The following IL1RAPL1 variants were observed in gnomAD, a reference collection of about 807,000 sequenced individuals.
IL1RAPL1 encodes interleukin-1 receptor accessory protein-like 1.
Under a neutral mutation model 48.4 loss-of-function variants are expected in IL1RAPL1, and 3 were observed. The observed-to-expected ratio is 0.06, with a 90% CI of 0.03 to 0.16. The LOEUF (loss-of-function observed/expected upper bound fraction) is 0.16, where lower values mean the gene tolerates loss of function less well. Ranked by LOEUF, IL1RAPL1 falls within the 10% of genes least tolerant of loss-of-function variation. IL1RAPL1 has a pLI of 1.00. For missense variants in IL1RAPL1, 349 were observed against 530.6 expected (o/e 0.66, Z 3.36); for synonymous variants, 185 against 187.7 (o/e 0.99, Z 0.12).
At chrX:29,471,877 C>A (rs1934926116) in intron 5 of IL1RAPL1, among the ~76,000 whole-genome samples, 2 of 111,563 alleles carry the variant, frequency 1.8e-5, no homozygotes, top group African/African-American at 6.5e-5. Context: ...TGTCTCAGTA[C>A]TTTATTACCT....
intron 2 of IL1RAPL1, among the ~76,000 whole-genome samples, chrX:28,807,744 T>G (rs1483329821): frequency 1.8e-5 from 2 of 111,479 alleles, no homozygotes; most frequent in Non-Finnish European, 3.8e-5. Context: ...TGTTCTCCTA[T>G]TCATCCTACA....
chrX:29,807,141 CA>C (rs1428494192), intron 6 of IL1RAPL1, among the ~76,000 whole-genome samples: 2 of 109,937 alleles, frequency 1.8e-5, no homozygotes, highest in Non-Finnish European at 3.8e-5. Flanking sequence ...TAAATATATA[CA>C]AAATCATTCA....
At chrX:28,625,769 T>TGTGTGTGTGTGTGTGTG (rs1569140767) in intron 1 of IL1RAPL1, among the ~76,000 whole-genome samples, 9 of 110,385 alleles carry the variant, frequency 8.2e-5, no homozygotes, top group African/African-American at 2.3e-4. Context: ...TGTGTGTGTG[T>TGTGTGTGTGTGTGTGTG]TTTACCAAGA....
At chrX:29,226,278 A>T (rs1345021383) in intron 2 of IL1RAPL1, among the ~76,000 whole-genome samples, 1 of 111,193 alleles carries the variant, frequency 9.0e-6, no homozygotes, top group Non-Finnish European at 1.9e-5. Flanking sequence ...TGATGAGATG[A>T]AATTTGGAAT....
intron 4 of IL1RAPL1, among the ~76,000 whole-genome samples, chrX:29,396,660 G>T (rs1196758174): frequency 8.9e-6 from 1 of 111,980 alleles, no homozygotes; most frequent in Non-Finnish European, 1.9e-5. Context: ...GTAATAAGCT[G>T]TTGTGTTTAT....
At chrX:29,396,890 T>C (rs1452493334) in intron 4 of IL1RAPL1, among the ~76,000 whole-genome samples, 1 of 112,177 alleles carries the variant, frequency 8.9e-6, no homozygotes, top group African/African-American at 3.2e-5. Flanking sequence ...ATTTTGTCCA[T>C]ATTCTAATCT....
chrX:29,274,702 C>T (rs769314718), intron 2 of IL1RAPL1, among the ~76,000 whole-genome samples: 1 of 112,043 alleles, frequency 8.9e-6, no homozygotes, highest in African/African-American at 3.2e-5. Context: ...GCTGTATAAA[C>T]ACCTGTAATG....
chrX:28,838,005 G>C (rs1921269702), intron 2 of IL1RAPL1, among the ~76,000 whole-genome samples: 1 of 110,755 alleles, frequency 9.0e-6, no homozygotes, highest in Non-Finnish European at 1.9e-5. Flanking sequence ...ATCACTAAGT[G>C]TAGATTATGT....
intron 2 of IL1RAPL1, among the ~76,000 whole-genome samples, chrX:29,031,381 T>C (rs1926615392): frequency 8.9e-6 from 1 of 111,778 alleles, no homozygotes; most frequent in Admixed American, 9.5e-5. Context: ...CTTTAGGAGA[T>C]TGATTTCTTT....
At position 29,876,892 on chromosome X, in the gene IL1RAPL1, G is replaced by A. The variant is rs747247220; in HGVS notation, c.779-40572G>A. ...AGATTACCACAGTAAATAATTGCAC[G>A]CCCATCTCTTTTGCAAAGCACAAAG... On this transcript the variant is annotated intron_variant, in intron 6 of 10. Transcript: ENST00000378993. 5.4e-5 allele frequency among the ~76,000 whole-genome samples: 6 copies of A among 111,725 alleles called. No individual in the cohort carries two copies. In the South Asian group the frequency reaches 1.9e-3, roughly 35 times the overall value.
intron 6 of IL1RAPL1, among the ~76,000 whole-genome samples, chrX:29,889,340 G>C (rs1319281989): frequency 1.8e-5 from 2 of 111,362 alleles, no homozygotes; most frequent in Non-Finnish European, 3.8e-5. Context: ...AATTTATCTT[G>C]CATATTTCCA....
intron 2 of IL1RAPL1, among the ~76,000 whole-genome samples, chrX:29,162,224 G>A (rs1929699747): frequency 9.0e-6 from 1 of 110,827 alleles, no homozygotes; most frequent in South Asian, 3.8e-4. Flanking sequence ...GGAGACAAGG[G>A]GAGGGAGAGC....
Position 29,624,329 on chromosome X carries a change from G to A in IL1RAPL1, c.704-44101G>A, listed in dbSNP as rs6630923. Among the ~76,000 whole-genome samples the A allele has an allele frequency of 2.1e-3, 232 of 111,780 alleles. 4 individuals are homozygous for A. In the East Asian group the frequency reaches 0.06, roughly 29 times the overall value. ...TTTCTTTCCTTATATGAGAAATATTGTAATGATACTCAATTATGTATAAGA... is the reference window on the plus strand; with the variant it reads ...TTTCTTTCCTTATATGAGAAATATTATAATGATACTCAATTATGTATAAGA... On this transcript the variant is annotated intron_variant, in intron 5 of 10. Transcript: ENST00000378993.
intron 2 of IL1RAPL1, among the ~76,000 whole-genome samples, chrX:28,820,794 C>T (rs1936928529): frequency 9.0e-6 from 1 of 111,159 alleles, no homozygotes; most frequent in Admixed American, 9.6e-5. Context: ...GGAGCTGCCA[C>T]GGACTCCTCA....
At chrX:29,120,494 T>G (rs756133353) in intron 2 of IL1RAPL1, among the ~76,000 whole-genome samples, 1 of 111,491 alleles carries the variant, frequency 9.0e-6, no homozygotes, top group African/African-American at 3.3e-5. Flanking sequence ...GTTCCATTGG[T>G]TTATATGTTG....
At chrX:28,655,913 G>A (rs750191304) in intron 1 of IL1RAPL1, among the ~76,000 whole-genome samples, 1 of 111,787 alleles carries the variant, frequency 8.9e-6, no homozygotes, top group Non-Finnish European at 1.9e-5. Flanking sequence ...AAGAAGACAG[G>A]TGACCAAAAA....
At chrX:29,223,547 CTT>C (rs770246198) in intron 2 of IL1RAPL1, among the ~76,000 whole-genome samples, 7 of 100,219 alleles carry the variant, frequency 7.0e-5, no homozygotes, top group Admixed American at 1.1e-4. Context: ...CATTTTATTA[CTT>C]TTTTTTTTTT....
intron 5 of IL1RAPL1, among the ~76,000 whole-genome samples, chrX:29,472,336 A>T (rs754291775): frequency 5.4e-5 from 6 of 111,319 alleles, no homozygotes; most frequent in Non-Finnish European, 1.1e-4. Flanking sequence ...TGGCTAGTAA[A>T]TGTGGGATTT....
Position 29,283,150 on chromosome X carries a change from G to C in IL1RAPL1, c.295G>C (p.Glu99Gln). Reference protein sequence around the residue: ...IAFDGSRMSKEEDSIWFRPTL... With the variant: ...IAFDGSRMSKQEDSIWFRPTL... ...CTTTGACGGAAGTAGAATGAGCAAA[G>C]AAGAAGACTCCATTTGGTTCCGGCC... is the stretch of plus-strand genomic sequence containing the variant. Residue 99 changes from glutamate to glutamine, a missense_variant, in exon 3 of 11, where the codon GAA becomes CAA. By Grantham distance (29) the Glu-to-Gln change is conservative. Coordinates refer to ENST00000378993, the MANE Select transcript of IL1RAPL1 (RefSeq NM_014271.4). 8.3e-7 allele frequency: 1 copy of C among 1,211,674 alleles called. No individual in the cohort carries two copies. The highest frequency in any genetic ancestry group is 1.1e-6 in the Non-Finnish European group (1 of 895,323).
Sources: gnomAD v4.1 joint callset for allele counts (sites outside exome capture counted in the v4.1 genomes callset) on GRCh38, gnomAD v4.1.1 for gene constraint, MANE v1.5 for transcripts, NCBI Gene and HGNC (gene_info 2026-07-23, HGNC 2026-07-21) for gene names.